Variants in SLC22A23 observed in about 807,000 individuals in gnomAD.
The protein encoded by SLC22A23 is solute carrier family 22 member 23.
SLC22A23 carries 26 observed loss-of-function variants against 61.0 expected under a neutral mutation model. The observed-to-expected ratio is 0.43, with a 90% CI of 0.31 to 0.59. The LOEUF (loss-of-function observed/expected upper bound fraction) is 0.59, where lower values mean the gene tolerates loss of function less well. SLC22A23 is among the 20% of genes least tolerant of loss of function. The probability of loss-of-function intolerance (pLI) is 0.11; values close to 1 mark genes in which losing one functional copy is unlikely to be tolerated. For missense variants in SLC22A23, 796 were observed against 934.7 expected (o/e 0.85, Z 1.94); for synonymous variants, 430 against 413.9 (o/e 1.04, Z -0.47).
At chr6:3,388,506 C>A in intron 3 of SLC22A23, among the ~76,000 whole-genome samples, 1 of 152,088 alleles carries the variant, frequency 6.6e-6, no homozygotes, top group East Asian at 1.9e-4. Context: ...GACACTTCCT[C>A]GAAAACATAA....
intron 1 of SLC22A23, among the ~76,000 whole-genome samples, chr6:3,455,026 A>G (rs779944109): frequency 2.0e-5 from 3 of 152,238 alleles, no homozygotes; most frequent in African/African-American, 7.2e-5. Context: ...AAATGTCTTG[A>G]TATCTCTTAT....
At chr6:3,444,712 G>C (rs775239533) in intron 1 of SLC22A23, 106 of 830,866 alleles carry the variant, frequency 1.3e-4, no homozygotes, top group Non-Finnish European at 1.4e-4. Flanking sequence ...CCGGTGACCT[G>C]TTTTGTTTTC....
chr6:3,315,378 C>T (rs147278839), intron 4 of SLC22A23, among the ~76,000 whole-genome samples: 90 of 152,304 alleles, frequency 5.9e-4, no homozygotes, highest in African/African-American at 2.0e-3. Flanking sequence ...AGAGGAAATG[C>T]GTAGAGCCAG....
At chr6:3,408,972 C>T (rs1769018557) in intron 3 of SLC22A23, among the ~76,000 whole-genome samples, 1 of 152,248 alleles carries the variant, frequency 6.6e-6, no homozygotes, top group Admixed American at 6.5e-5. Flanking sequence ...AGACCTGTTC[C>T]TCTGCACAGA....
chr6:3,302,517 T>C (rs1039864265), intron 4 of SLC22A23, among the ~76,000 whole-genome samples: 13 of 152,194 alleles, frequency 8.5e-5, no homozygotes, highest in Admixed American at 3.3e-4. Context: ...TTGAAATACA[T>C]CATTGGGTTG....
At position 3,414,091 on chromosome 6, in the gene SLC22A23, C is replaced by T. The variant is rs563630202; in HGVS notation, c.758+1661G>A. ...GTGTACAAGAAGAAAGTTAAGAAAA[C>T]AATCTTTAAACAATTTAAACTGTTA... On this transcript the variant is annotated intron_variant, in intron 2 of 9. Coordinates refer to ENST00000406686, the MANE Select transcript of SLC22A23 (RefSeq NM_015482.2). The surrounding 1 kb of genome is among the most constrained non-coding windows in gnomAD (Gnocchi z 5.1). Among the ~76,000 whole-genome samples, 4 of 152,310 alleles carry T rather than the reference C, an allele frequency of 2.6e-5. No individual in the cohort carries two copies. Among genetic ancestry groups the T allele is most frequent in the African/African-American group, 9.6e-5 (4 of 41,568 alleles).
At chr6:3,289,425 C>G (rs1760359534) in intron 6 of SLC22A23, among the ~76,000 whole-genome samples, 1 of 152,254 alleles carries the variant, frequency 6.6e-6, no homozygotes, top group Non-Finnish European at 1.5e-5. Context: ...CTCAAATCCC[C>G]TGTCCTGAGA....
In SLC22A23 at chr6:3,289,905, C is replaced by A. The variant is rs778633159; in HGVS notation, c.1211-39G>T. The A allele has an allele frequency of 2.4e-5, 37 of 1,571,740 alleles. 1 individual carries two copies. The South Asian group carries it at 4.1e-4, about 18-fold the overall frequency. ...GACCCTGTGAGCCCTGGGCAGGCCGCCCACAGAGGACAGGACAGCAGCTGC... is the reference window on the plus strand; with the variant it reads ...GACCCTGTGAGCCCTGGGCAGGCCGACCACAGAGGACAGGACAGCAGCTGC... On this transcript the variant is annotated intron_variant, in intron 5 of 9. Coordinates refer to ENST00000406686, the MANE Select transcript of SLC22A23 (RefSeq NM_015482.2).
chr6:3,450,012 G>A (rs1296259506), intron 1 of SLC22A23, among the ~76,000 whole-genome samples: 2 of 152,202 alleles, frequency 1.3e-5, no homozygotes, highest in Non-Finnish European at 2.9e-5. Context: ...TCCAGCATAA[G>A]TGAAAAAACA....
rs1050010586 is a variant in SLC22A23, at chr6:3,328,040, G to A, written c.914-4038C>T. ...ATAACAATATAATTATTGCCAAGTC[G>A]CTCATTGGTCTCATTCGACATGGTG... is the stretch of plus-strand genomic sequence containing the variant. On this transcript the variant is annotated intron_variant, in intron 3 of 9. Coordinates refer to ENST00000406686, the MANE Select transcript of SLC22A23 (RefSeq NM_015482.2). The surrounding 1 kb of genome is among the most constrained non-coding windows in gnomAD (Gnocchi z 5.0). Among the ~76,000 whole-genome samples the A allele has an allele frequency of 4.0e-5, 6 of 151,832 alleles. No homozygotes were observed. Among genetic ancestry groups the A allele is most frequent in the Admixed American group, 1.3e-4 (2 of 15,220 alleles).
chr6:3,323,842 G>C lies in SLC22A23; in HGVS notation c.1074C>G (p.Leu358=). The part of the protein sequence containing the change: ...LIICPFLLML[L]YWSIFPESLR... ...GTGCAGAGTGTACTCACGACCAGTA[G>C]AGCAGCATGAGCAGGAAGGGGCAGA... Residue 358 remains leucine (L), a synonymous_variant, in exon 4 of 10, where the codon CTC becomes CTG. Transcript: ENST00000406686. 1.2e-6 allele frequency: 2 copies of C among 1,613,786 alleles called. No homozygotes were observed. The highest frequency in any genetic ancestry group is 1.7e-6 in the Non-Finnish European group (2 of 1,179,894).
Position 3,286,956 on chromosome 6 carries a change from C to A in SLC22A23, c.1449G>T (p.Met483Ile), listed in dbSNP as rs760316368. The A allele has an allele frequency of 6.2e-7, 1 of 1,614,108 alleles. No individual in the cohort carries two copies. Residue 483 changes from methionine to isoleucine, a missense_variant, in exon 7 of 10, where the codon ATG (methionine) becomes ATT (isoleucine). Coordinates refer to ENST00000406686, the MANE Select transcript of SLC22A23 (RefSeq NM_015482.2). This position sits in a 1 kb window ranked among gnomAD's most constrained non-coding sequence, Gnocchi z 4.2. The stretch of plus-strand genomic sequence containing the variant: ...GCCCGAGGAATCGGACCACCACGCA[C>A]ATGGCCAGGCAGGACACCAGCGCGA... ...ASIALVSCLA[M>I]CVVVRFLGRR...
chr6:3,413,683 G>T (rs1403185859), intron 2 of SLC22A23, among the ~76,000 whole-genome samples: 2 of 152,224 alleles, frequency 1.3e-5, no homozygotes, highest in African/African-American at 2.4e-5. Context: ...GCCTTAGGAA[G>T]CATATTGTAT....
At chr6:3,313,911 C>A (rs918318804) in intron 4 of SLC22A23, among the ~76,000 whole-genome samples, 1 of 152,168 alleles carries the variant, frequency 6.6e-6, no homozygotes, top group Admixed American at 6.5e-5. Context: ...TGCCTGTAAT[C>A]CCAGCTACAG....
rs2127278195 is a variant in SLC22A23, at chr6:3,272,907, T to C, written c.*148A>G. 3 of 713,244 alleles carry C rather than the reference T, an allele frequency of 4.2e-6. No individual in the cohort carries two copies. The East Asian group carries it at 8.1e-5, about 19-fold the overall frequency. 44.2% of individuals were successfully genotyped at this position (713,244 alleles called of 1,614,324 possible). ...CCTCCGACCCGCGCTCCTTGGACTTTTGGAAAGACAGGATTTCCCCACACC... is the reference window on the plus strand; with the variant it reads ...CCTCCGACCCGCGCTCCTTGGACTTCTGGAAAGACAGGATTTCCCCACACC... On this transcript the variant is annotated 3_prime_UTR_variant, in exon 10 of 10. Transcript: ENST00000406686.
chr6:3,342,275 A>G lies in SLC22A23; in HGVS notation c.914-18273T>C, dbSNP rs1764196043. 6.6e-6 allele frequency among the ~76,000 whole-genome samples: 1 copy of G among 151,108 alleles called. No homozygotes were observed. The highest frequency in any genetic ancestry group is 3.4e-3 in the Middle Eastern group (1 of 294). On this transcript the variant is annotated intron_variant, in intron 3 of 9. Transcript: ENST00000406686. The surrounding 1 kb of genome is among the most constrained non-coding windows in gnomAD (Gnocchi z 4.0). Reference sequence around the variant, plus strand: ...TTTTAAGGCCATGTGTCTCCTTAACATAACTCTTTTTCAAAAAGTCATTGG... The same window carrying G: ...TTTTAAGGCCATGTGTCTCCTTAACGTAACTCTTTTTCAAAAAGTCATTGG...
At chr6:3,344,387 C>G (rs186336031) in intron 3 of SLC22A23, among the ~76,000 whole-genome samples, 1 of 152,276 alleles carries the variant, frequency 6.6e-6, no homozygotes, top group East Asian at 1.9e-4. Context: ...TCTACATGTG[C>G]CATATTCTCC....
intron 3 of SLC22A23, among the ~76,000 whole-genome samples, chr6:3,325,665 A>G (rs1763236796): frequency 6.6e-6 from 1 of 152,256 alleles, no homozygotes; most frequent in Non-Finnish European, 1.5e-5. Context: ...GCTCTCAAAA[A>G]TAATAAAGAA....
intron 9 of SLC22A23, among the ~76,000 whole-genome samples, chr6:3,280,830 C>T (rs1218575144): frequency 1.3e-5 from 2 of 152,134 alleles, no homozygotes; most frequent in Non-Finnish European, 2.9e-5. Flanking sequence ...GTTGAACAGA[C>T]TCTGATACTC....
Sources: gnomAD v4.1 joint callset for allele counts (sites outside exome capture counted in the v4.1 genomes callset) on GRCh38, gnomAD v4.1.1 for gene constraint, Gnocchi (gnomAD v3.1) non-coding constraint, MANE v1.5 for transcripts, NCBI Gene and HGNC (gene_info 2026-07-23, HGNC 2026-07-21) for gene names.